SMAP1: variants seen among roughly 807,000 people sequenced by gnomAD.
SMAP1 encodes the protein stromal membrane-associated protein 1.
Under a neutral mutation model 58.5 loss-of-function variants are expected in SMAP1, and 24 were observed. The observed-to-expected ratio is 0.41, with a 90% CI of 0.30 to 0.58. The LOEUF is 0.58. SMAP1 is among the 20% of genes least tolerant of loss of function. The probability of loss-of-function intolerance (pLI) is 0.29; values close to 1 mark genes in which losing one functional copy is unlikely to be tolerated. For missense variants in SMAP1, 563 were observed against 566.3 expected (o/e 0.99, Z 0.06); for synonymous variants, 216 against 196.6 (o/e 1.10, Z -0.82).
intron 2 of SMAP1, among the ~76,000 whole-genome samples, chr6:70,742,976 G>A (rs1040369289): frequency 6.6e-6 from 1 of 152,054 alleles, no homozygotes; most frequent in African/African-American, 2.4e-5. Flanking sequence ...TCTCCAACTG[G>A]GTCTCTCCCA....
chr6:70,670,384 A>G (rs1766214055), intron 1 of SMAP1, among the ~76,000 whole-genome samples: 1 of 152,186 alleles, frequency 6.6e-6, no homozygotes, highest in Non-Finnish European at 1.5e-5. Flanking sequence ...ATTTAATTAG[A>G]CTTGATTTCA....
chr6:70,785,448 A>G (rs1310619544), intron 4 of SMAP1, among the ~76,000 whole-genome samples: 1 of 152,184 alleles, frequency 6.6e-6, no homozygotes, highest in Admixed American at 6.5e-5. Flanking sequence ...AAATAACTAA[A>G]ATCAGAGCAG....
At chr6:70,841,850 C>T (rs1014176706) in intron 7 of SMAP1, among the ~76,000 whole-genome samples, 2 of 152,156 alleles carry the variant, frequency 1.3e-5, no homozygotes, top group African/African-American at 4.8e-5. Context: ...AACATATACC[C>T]AGTTTTATAT....
At chr6:70,772,434 G>T (rs1767368292) in intron 3 of SMAP1, among the ~76,000 whole-genome samples, 2 of 152,076 alleles carry the variant, frequency 1.3e-5, no homozygotes, top group African/African-American at 2.4e-5. Flanking sequence ...CAGTGTAATT[G>T]GGTTTTTTTC....
At chr6:70,803,729 T>C (rs1768976423) in intron 6 of SMAP1, among the ~76,000 whole-genome samples, 1 of 152,238 alleles carries the variant, frequency 6.6e-6, no homozygotes, top group Non-Finnish European at 1.5e-5. Flanking sequence ...AACATCGTTA[T>C]TTCTGCCTTC....
intron 3 of SMAP1, among the ~76,000 whole-genome samples, chr6:70,767,697 A>G (rs1031130306): frequency 1.2e-4 from 18 of 148,986 alleles, no homozygotes; most frequent in African/African-American, 4.3e-4. Context: ...ATCTGCAAAC[A>G]GGGACAATTT....
chr6:70,768,467 G>T (rs1767106224), intron 3 of SMAP1, among the ~76,000 whole-genome samples: 2 of 152,074 alleles, frequency 1.3e-5, no homozygotes, highest in Admixed American at 1.3e-4. Flanking sequence ...CTTCTTCCTG[G>T]TTTAGTCTTG....
At chr6:70,669,491 A>T (rs1422922560) in intron 1 of SMAP1, among the ~76,000 whole-genome samples, 1 of 152,222 alleles carries the variant, frequency 6.6e-6, no homozygotes, top group Non-Finnish European at 1.5e-5. Flanking sequence ...TCAAGATTAT[A>T]TTTATCCTAT....
chr6:70,705,791 C>CT (rs751903843), intron 1 of SMAP1, among the ~76,000 whole-genome samples: 2 of 152,150 alleles, frequency 1.3e-5, no homozygotes, highest in Non-Finnish European at 2.9e-5. Context: ...GGCCCCAACC[C>CT]TACAAGGTAT....
At chr6:70,794,792 T>C (rs1311358219) in intron 5 of SMAP1, among the ~76,000 whole-genome samples, 5 of 148,320 alleles carry the variant, frequency 3.4e-5, no homozygotes, top group East Asian at 3.9e-4. Flanking sequence ...TCTTTTCTTT[T>C]TTTTTTTTTT....
At chr6:70,852,750 T>G in intron 8 of SMAP1, 86 bp downstream of exon 8, 3 of 1,383,712 alleles carry the variant, frequency 2.2e-6, no homozygotes, top group Non-Finnish European at 1.9e-6. Flanking sequence ...AAGAATTGTT[T>G]CTGAGCAGTA....
At chr6:70,673,119 T>C (rs1766336392) in intron 1 of SMAP1, among the ~76,000 whole-genome samples, 1 of 152,148 alleles carries the variant, frequency 6.6e-6, no homozygotes, top group Admixed American at 6.5e-5. Context: ...AGATCCACTG[T>C]AGCTATTTTC....
At chr6:70,859,342 G>T (rs1771591824) in intron 10 of SMAP1, 2 of 1,548,680 alleles carry the variant, frequency 1.3e-6, no homozygotes, top group African/African-American at 2.7e-5. Flanking sequence ...ATGCAGAAGG[G>T]TGATGCTGTT....
chr6:70,736,173 G>C (rs1396013067), intron 2 of SMAP1, among the ~76,000 whole-genome samples: 7 of 152,064 alleles, frequency 4.6e-5, no homozygotes, highest in Non-Finnish European at 1.0e-4. Flanking sequence ...ATTGCTGTAT[G>C]CTTATTTTTA....
chr6:70,687,056 A>G (rs1024121047), intron 1 of SMAP1, among the ~76,000 whole-genome samples: 3 of 152,210 alleles, frequency 2.0e-5, no homozygotes, highest in Admixed American at 6.5e-5. Flanking sequence ...GTCACTAGCC[A>G]TAAGGCTATT....
At chr6:70,851,235 A>G (rs1470288012) in intron 7 of SMAP1, among the ~76,000 whole-genome samples, 1 of 150,878 alleles carries the variant, frequency 6.6e-6, no homozygotes, top group Non-Finnish European at 1.5e-5. Context: ...TATCGTGACT[A>G]TGTGTTAATA....
chr6:70,829,121 G>A (rs919211924), intron 6 of SMAP1, among the ~76,000 whole-genome samples: 1 of 152,006 alleles, frequency 6.6e-6, no homozygotes, highest in Non-Finnish European at 1.5e-5. Flanking sequence ...AATCACCCAC[G>A]ACTACCATTA....
At chr6:70,806,271 G>A (rs1009102932) in intron 6 of SMAP1, among the ~76,000 whole-genome samples, 17 of 152,322 alleles carry the variant, frequency 1.1e-4, no homozygotes, top group African/African-American at 4.1e-4. Flanking sequence ...AGACTGCTGC[G>A]CTAGTAGTGA....
intron 4 of SMAP1, among the ~76,000 whole-genome samples, chr6:70,775,920 A>G (rs1330206713): frequency 6.6e-6 from 1 of 152,186 alleles, no homozygotes; most frequent in African/African-American, 2.4e-5. Context: ...AACTAATCTT[A>G]GGTATTACTG....
Sources: gnomAD v4.1 joint callset for allele counts (sites outside exome capture counted in the v4.1 genomes callset) on GRCh38, gnomAD v4.1.1 for gene constraint, MANE v1.5 for transcripts, NCBI Gene and HGNC (gene_info 2026-07-23, HGNC 2026-07-21) for gene names.